The following RNF32 variants were observed in gnomAD, a reference collection of about 807,000 sequenced individuals.
RNF32 encodes ring finger protein 32.
Under a neutral mutation model 41.0 loss-of-function variants are expected in RNF32, and 36 were observed. The observed-to-expected ratio is 0.88, with a 90% confidence interval of 0.67 to 1.16. The LOEUF is 1.16. Among genes scored for constraint, RNF32 ranks in the 50% most tolerant of loss-of-function variants. The pLI, the probability that RNF32 is intolerant of heterozygous loss-of-function variation, is 0.00. For synonymous variants in RNF32, 154 were observed against 160.9 expected (o/e 0.96, Z 0.32); for missense variants, 413 against 436.7 (o/e 0.95, Z 0.48).
chr7:156,649,991 G>C (rs1798497833), intron 3 of RNF32, among the ~76,000 whole-genome samples: 1 of 150,996 alleles, frequency 6.6e-6, no homozygotes, highest in Non-Finnish European at 1.5e-5. Context: ...TAAAAGTTTG[G>C]GGAAACTCAC....
intron 3 of RNF32, among the ~76,000 whole-genome samples, chr7:156,653,058 TAC>T (rs1798990394): frequency 1.3e-5 from 2 of 151,364 alleles, no homozygotes; most frequent in African/African-American, 4.9e-5. Flanking sequence ...TACAGTGGTG[TAC>T]AGTCATGTCC....
At chr7:156,662,908 C>T (rs1046635382) in intron 7 of RNF32, among the ~76,000 whole-genome samples, 20 of 146,370 alleles carry the variant, frequency 1.4e-4, no homozygotes, top group Admixed American at 1.1e-3. Context: ...AGTGCAGTGG[C>T]GCGATCTCGG....
intron 1 of RNF32, among the ~76,000 whole-genome samples, chr7:156,642,442 A>G (rs1396720954): frequency 2.6e-5 from 4 of 152,232 alleles, no homozygotes; most frequent in Non-Finnish European, 4.4e-5. Context: ...GCCAAGCCAA[A>G]GCTCTGAAGC....
intron 4 of RNF32, among the ~76,000 whole-genome samples, chr7:156,657,100 A>G (rs1226264082): frequency 6.6e-6 from 1 of 152,246 alleles, no homozygotes; most frequent in Non-Finnish European, 1.5e-5. Context: ...TGTCAGAATT[A>G]TATCTCAGTA....
In RNF32 at chr7:156,669,809, G is replaced by A. The variant is rs1487201591; in HGVS notation, c.685-5887G>A. 6.6e-6 allele frequency among the ~76,000 whole-genome samples: 1 copy of A among 152,228 alleles called. No individual in the cohort carries two copies. The highest frequency in any genetic ancestry group is 6.5e-5 in the Admixed American group (1 of 15,288). On this transcript the variant is annotated intron_variant, in intron 7 of 8. Coordinates refer to ENST00000317955, the MANE Select transcript of RNF32 (RefSeq NM_030936.4). This position sits in a 1 kb window ranked among gnomAD's most constrained non-coding sequence, Gnocchi z 4.2. ...CTCTGCAGGGCGTGCCCATGGAGGG[G>A]AGGCTCAAAATAACCAGATGAGACG... is the stretch of plus-strand genomic sequence containing the variant.
intron 7 of RNF32, among the ~76,000 whole-genome samples, chr7:156,673,048 G>T (rs1802934748): frequency 6.6e-6 from 1 of 152,210 alleles, no homozygotes; most frequent in Admixed American, 6.5e-5. Context: ...AGGAGCTGAG[G>T]CTGCGGGGTC....
intron 7 of RNF32, among the ~76,000 whole-genome samples, chr7:156,663,202 A>G (rs138850238): frequency 1.3e-5 from 2 of 152,236 alleles, no homozygotes; most frequent in Non-Finnish European, 2.9e-5. Flanking sequence ...ATTAAAAACT[A>G]TGTGTCAAAT....
At chr7:156,674,071 C>T (rs893065285) in intron 7 of RNF32, among the ~76,000 whole-genome samples, 1 of 152,200 alleles carries the variant, frequency 6.6e-6, no homozygotes, top group African/African-American at 2.4e-5. Context: ...GTGCTTCAAG[C>T]CGGATTCCAT....
chr7:156,660,125 G>A (rs1030656669), intron 7 of RNF32: 43 of 985,630 alleles, frequency 4.4e-5, no homozygotes, highest in African/African-American at 7.0e-5. Context: ...CGCTCGGAAC[G>A]CCCCGCTCTG....
chr7:156,643,806 G>T lies in RNF32; in HGVS notation c.-72G>T. On this transcript the variant is annotated 5_prime_UTR_variant, in exon 2 of 9. Transcript: ENST00000317955. ...TGTTGACCACGTCTTTGCAGCAGAA[G>T]AATAGAAGGAAGGTGATAGGATGTG... The T allele has an allele frequency of 5.8e-6, 8 of 1,384,744 alleles. No homozygotes were observed. Among genetic ancestry groups the T allele is most frequent in the Non-Finnish European group, 8.2e-6 (8 of 974,088 alleles). 85.8% of individuals were successfully genotyped at this position (1,384,744 alleles called of 1,614,324 possible).
At chr7:156,658,095 T>G (rs1383387871) in intron 5 of RNF32, 33 bp from the exon 6 acceptor site, 1 of 1,600,816 alleles carries the variant, frequency 6.2e-7, no homozygotes, top group South Asian at 1.1e-5. Flanking sequence ...AAGTAATTAC[T>G]TGTAAAATTT....
At chr7:156,647,503 G>A (rs748996551) in intron 3 of RNF32, among the ~76,000 whole-genome samples, 4 of 152,114 alleles carry the variant, frequency 2.6e-5, no homozygotes, top group Admixed American at 1.3e-4. Flanking sequence ...TGCTGCAAAG[G>A]ACATTTTTTC....
chr7:156,676,385 C>A, intron 8 of RNF32, 34 bp from the exon 9 acceptor site: 1 of 1,614,024 alleles, frequency 6.2e-7, no homozygotes. Context: ...ATGAAACTAA[C>A]CCGCGTGGCC....
In RNF32 at chr7:156,658,210, T is replaced by TA; in HGVS notation, c.534dup (p.His179ThrfsTer25). The TA allele has an allele frequency of 1.2e-6, 2 of 1,614,192 alleles. No homozygotes were observed. Among genetic ancestry groups the TA allele is most frequent in the Admixed American group, 1.7e-5 (1 of 60,020 alleles). ...AAGAACCAGTATCAAACCCGAGTGA[T>TA]ACACGATGGGGCCCGCCTGTTCAGA... On this transcript the variant is annotated frameshift_variant, in exon 6 of 9. Coordinates refer to ENST00000317955, the MANE Select transcript of RNF32 (RefSeq NM_030936.4). LOFTEE classifies it high-confidence loss of function.
chr7:156,659,508 G>A, intron 7 of RNF32: 1 of 985,244 alleles, frequency 1.0e-6, no homozygotes, highest in Non-Finnish European at 1.2e-6. Context: ...TGTTCTCTGG[G>A]CTACTCTTAG....
At chr7:156,648,534 A>G (rs948923429) in intron 3 of RNF32, among the ~76,000 whole-genome samples, 3 of 152,236 alleles carry the variant, frequency 2.0e-5, no homozygotes, top group Non-Finnish European at 4.4e-5. Flanking sequence ...ATAAAGAGGA[A>G]CGTCCCAATT....
intron 3 of RNF32, among the ~76,000 whole-genome samples, chr7:156,653,815 A>G (rs79594254): frequency 0.019 from 2,856 of 152,312 alleles, 91 homozygotes; most frequent in African/African-American, 0.066. Context: ...TACGTCATAG[A>G]AAGTTTTTAG....
intron 1 of RNF32, among the ~76,000 whole-genome samples, chr7:156,641,187 A>G (rs1296801921): frequency 1.3e-5 from 2 of 152,218 alleles, no homozygotes; most frequent in Non-Finnish European, 2.9e-5. Context: ...CGCTTCCTGC[A>G]TGAGTGGAAC....
chr7:156,666,227 G>A (rs752050500), intron 7 of RNF32, among the ~76,000 whole-genome samples: 4 of 152,166 alleles, frequency 2.6e-5, no homozygotes, highest in African/African-American at 7.2e-5. Context: ...GATGAGATTA[G>A]CCCAAGCCAT....
Sources: allele counts gnomAD v4.1 joint callset (sites outside exome capture counted in the v4.1 genomes callset), GRCh38; gene constraint gnomAD v4.1.1; non-coding constraint Gnocchi (gnomAD v3.1); transcripts MANE v1.5; gene names NCBI Gene and HGNC (gene_info 2026-07-23, HGNC 2026-07-21).